The following POU2AF1 variants were observed in gnomAD, a reference collection of about 807,000 sequenced individuals.
The protein encoded by POU2AF1 is POU class 2 homeobox associating factor 1.
POU2AF1 carries 12 observed loss-of-function variants against 26.3 expected under a neutral mutation model. The ratio of observed to expected loss-of-function variants is 0.46; its 90% CI spans 0.29 to 0.74. POU2AF1 has a LOEUF of 0.74. POU2AF1 is among the 30% of genes least tolerant of loss of function. The pLI is 0.09. For missense variants in POU2AF1, 297 were observed against 334.5 expected (o/e 0.89, Z 0.87); for synonymous variants, 175 against 148.0 (o/e 1.18, Z -1.32).
chr11:111,379,014 C>T (rs11213862), intron 1 of POU2AF1, 148 bp downstream of exon 1: 7 of 368,520 alleles, frequency 1.9e-5, no homozygotes, highest in Admixed American at 2.7e-5. Flanking sequence ...CCACCTCCCC[C>T]CTCCCTGCTC....
chr11:111,371,131 T>A (rs1240980030), intron 1 of POU2AF1, among the ~76,000 whole-genome samples: 1 of 152,238 alleles, frequency 6.6e-6, no homozygotes, highest in South Asian at 2.1e-4. Flanking sequence ...TTTAACAATG[T>A]CCTGTATGCT....
intron 1 of POU2AF1, chr11:111,363,906 TCCA>T (rs1861057255): frequency 1.0e-6 from 1 of 985,404 alleles, no homozygotes; most frequent in Non-Finnish European, 1.2e-6. Flanking sequence ...GGAAAATCTT[TCCA>T]CCTTAGCATG....
intron 1 of POU2AF1, among the ~76,000 whole-genome samples, chr11:111,361,535 C>G (rs923365404): frequency 6.6e-6 from 1 of 152,230 alleles, no homozygotes; most frequent in Non-Finnish European, 1.5e-5. Context: ...TGGGGAGCTC[C>G]AAAGGCCATG....
rs895627980 is a variant in POU2AF1, at chr11:111,374,808, A to C, written c.16+4354T>G. On this transcript the variant is annotated intron_variant, in intron 1 of 4. Coordinates refer to ENST00000393067, the MANE Select transcript of POU2AF1 (RefSeq NM_006235.3). Reference sequence around the variant, plus strand: ...AGAATAGAAATATTAGAGGTTGTCCAGAAACCTAAATTACCTCTCATTGTA... The same window carrying C: ...AGAATAGAAATATTAGAGGTTGTCCCGAAACCTAAATTACCTCTCATTGTA... 2.6e-5 allele frequency among the ~76,000 whole-genome samples: 4 copies of C among 152,376 alleles called. No individual in the cohort carries two copies. The South Asian group carries it at 8.3e-4, about 32-fold the overall frequency.
At position 111,368,932 on chromosome 11, in the gene POU2AF1, T is replaced by G. The variant is rs114351331; in HGVS notation, c.17-10014A>C. The stretch of plus-strand genomic sequence containing the variant: ...CTCAGCCAACAATCCATGGCCCATC[T>G]GTCATCGGAGAAGTAGCCTTGGTAC... On this transcript the variant is annotated intron_variant, in intron 1 of 4. Coordinates refer to ENST00000393067, the MANE Select transcript of POU2AF1 (RefSeq NM_006235.3). Among the ~76,000 whole-genome samples, 764 of 152,378 alleles carry G rather than the reference T, an allele frequency of 5.0e-3. 11 individuals carry two copies. Among genetic ancestry groups the G allele is most frequent in the African/African-American group, 0.017 (724 of 41,584 alleles).
At chr11:111,377,328 C>T (rs963365083) in intron 1 of POU2AF1, among the ~76,000 whole-genome samples, 1 of 151,898 alleles carries the variant, frequency 6.6e-6, no homozygotes, top group Non-Finnish European at 1.5e-5. Context: ...TGCAGTGAGC[C>T]GAGATCGCGC....
rs1011559422 is a variant in POU2AF1 at position 111,361,468 on chromosome 11, C to T, written c.17-2550G>A. 2.6e-5 allele frequency among the ~76,000 whole-genome samples: 4 copies of T among 152,194 alleles called. No individual in the cohort carries two copies. In the East Asian group the frequency reaches 5.8e-4, roughly 22 times the overall value. On this transcript the variant is annotated intron_variant, in intron 1 of 4. Transcript: ENST00000393067. ...GGCTTCAATTTCCTCATTTGTAAAA[C>T]GGGAATAATAATTCTTCTCTCACAC...
rs1367514423 is a variant in POU2AF1, at chr11:111,357,634, G to A, written c.267C>T (p.Ser89=). The change falls in exon 4 of 5, where the codon TCC becomes TCT. Residue 89 remains serine, a synonymous_variant. Coordinates refer to ENST00000393067, the MANE Select transcript of POU2AF1 (RefSeq NM_006235.3). The part of the protein sequence containing the change: ...EEAALCAGWL[S]QPTPATLQPL... ...GCTGCAGGGTGGCCGGGGTGGGCTG[G>A]GAGAGCCAGCCGGCACACAGGGCAG... The A allele has an allele frequency of 1.2e-6, 2 of 1,613,870 alleles. No individual in the cohort carries two copies. The highest frequency in any genetic ancestry group is 3.3e-5 in the Admixed American group (2 of 59,988).
intron 1 of POU2AF1, among the ~76,000 whole-genome samples, chr11:111,361,164 A>T (rs7110111): frequency 0.013 from 1,962 of 151,440 alleles, 47 homozygotes; most frequent in African/African-American, 0.045. Flanking sequence ...ACTGCACAGG[A>T]CCCATGGAGC....
At chr11:111,374,131 TTTTTTG>T (rs1384220598) in intron 1 of POU2AF1, among the ~76,000 whole-genome samples, 2 of 150,510 alleles carry the variant, frequency 1.3e-5, no homozygotes, top group Admixed American at 6.6e-5. Flanking sequence ...TTTTTTTTTT[TTTTTTG>T]GTTCCTCATG....
chr11:111,379,072 A>T lies in POU2AF1; in HGVS notation c.16+90T>A, dbSNP rs1861370405. ...CTCCCCCCGTGGCCCCATCACCTCC[A>T]CCACCAGCTCCCCAATTCCAGACCA... On this transcript the variant is annotated intron_variant, in intron 1 of 4. Coordinates refer to ENST00000393067, the MANE Select transcript of POU2AF1 (RefSeq NM_006235.3). 56 of 1,435,190 alleles carry T rather than the reference A, an allele frequency of 3.9e-5. 1 individual carries two copies. In the South Asian group the frequency reaches 7.0e-4, roughly 18 times the overall value. 88.9% of individuals were successfully genotyped at this position (1,435,190 alleles called of 1,614,324 possible).
intron 1 of POU2AF1, among the ~76,000 whole-genome samples, chr11:111,375,246 A>G (rs1861284925): frequency 6.6e-6 from 1 of 152,234 alleles, no homozygotes; most frequent in African/African-American, 2.4e-5. Flanking sequence ...AATGGAGTTC[A>G]GTTTATTATA....
chr11:111,358,901 C>T lies in POU2AF1; in HGVS notation c.34G>A (p.Ala12Thr), dbSNP rs752299924. The change falls in exon 2 of 5, where the codon GCC becomes ACC. Residue 12 changes from alanine (A) to threonine (T), a missense_variant. Transcript: ENST00000393067. ...LWQKPTAPEQ[A>T]PAPARPYQGV... ...TGGTATGGCCGGGCCGGGGCTGGGG[C>T]TTGCTCCGGAGCTGTGGCTGTGAAA... 1.9e-6 allele frequency: 3 copies of T among 1,605,682 alleles called. No individual in the cohort carries two copies. The highest frequency in any genetic ancestry group is 4.5e-5 in the East Asian group (2 of 44,890).
rs929714039 is a variant in POU2AF1, at chr11:111,354,410, G to A, written c.622C>T (p.Leu208Phe). The A allele has an allele frequency of 3.7e-6, 6 of 1,614,048 alleles. No homozygotes were observed. The African/African-American group carries it at 6.7e-5, about 18-fold the overall frequency. ...PALPGPQFVQ[L>F]PISIPEPVLQ... is the part of the protein sequence containing the mutation. ...ACTGGCTCTGGGATAGAGATGGGGA[G>A]CTGGACAAACTGGGGCCCAGGTAGG... The change falls in exon 5 of 5, where the codon CTC becomes TTC. Residue 208 changes from leucine (L) to phenylalanine (F), a missense_variant. Coordinates refer to ENST00000393067, the MANE Select transcript of POU2AF1 (RefSeq NM_006235.3).
At chr11:111,377,819 T>C (rs1304841089) in intron 1 of POU2AF1, 1 of 185,314 alleles carries the variant, frequency 5.4e-6, no homozygotes. Context: ...GCTGCCATTG[T>C]CCCAGAAAGG....
Position 111,353,000 on chromosome 11 carries a change from A to AGGAT in POU2AF1, c.*1260_*1261insATCC, listed in dbSNP as rs1860762058. The AGGAT allele has an allele frequency of 2.9e-5, 3 of 103,886 alleles. No homozygotes were observed. Among genetic ancestry groups the AGGAT allele is most frequent in the African/African-American group, 1.2e-4 (3 of 24,386 alleles). The allele number at this position is 103,886 out of a possible 1,614,324, so 6.4% of individuals were successfully genotyped here. ...AAGGAAGGAAGGAAGGAAAGAAGGA[A>AGGAT]GGAAGGAAGGAAGGAAGGAAGGAAG... is the stretch of plus-strand genomic sequence containing the variant. On this transcript the variant is annotated 3_prime_UTR_variant, in exon 5 of 5. Coordinates refer to ENST00000393067, the MANE Select transcript of POU2AF1 (RefSeq NM_006235.3).
chr11:111,367,483 C>T (rs575587211), intron 1 of POU2AF1, among the ~76,000 whole-genome samples: 44 of 152,246 alleles, frequency 2.9e-4, no homozygotes, highest in South Asian at 6.3e-4. Context: ...ACTTGCCAAA[C>T]GACTATACTT....
intron 1 of POU2AF1, among the ~76,000 whole-genome samples, chr11:111,373,362 CAG>C (rs1861248568): frequency 1.3e-5 from 2 of 152,206 alleles, no homozygotes; most frequent in East Asian, 3.8e-4. Context: ...GAGCCATTTG[CAG>C]CTCTCCTTCA....
intron 1 of POU2AF1, among the ~76,000 whole-genome samples, chr11:111,377,228 A>C (rs879395164): frequency 2.0e-5 from 3 of 151,830 alleles, no homozygotes; most frequent in Non-Finnish European, 4.4e-5. Flanking sequence ...AAAAAAAAAA[A>C]AAACAGCTGG....
Sources: gnomAD v4.1 joint callset for allele counts (sites outside exome capture counted in the v4.1 genomes callset) on GRCh38, gnomAD v4.1.1 for gene constraint, MANE v1.5 for transcripts, NCBI Gene and HGNC (gene_info 2026-07-23, HGNC 2026-07-21) for gene names.